FAM168A: variants seen among roughly 807,000 people sequenced by gnomAD.
FAM168A encodes the protein family with sequence similarity 168 member A, also known as protein FAM168A.
In FAM168A, 3 loss-of-function variants were observed where a neutral mutation model predicts 28.5. The observed-to-expected ratio is 0.11, with a 90% CI of 0.05 to 0.27. FAM168A has a LOEUF of 0.27. FAM168A is among the 10% of genes least tolerant of loss of function. The pLI, the probability that FAM168A is intolerant of heterozygous loss-of-function variation, is 1.00. For synonymous variants in FAM168A, 122 were observed against 124.2 expected, an observed-to-expected ratio of 0.98 and a Z score of 0.12; for missense variants, 222 against 311.5, an observed-to-expected ratio of 0.71 and a Z score of 2.16.
At chr11:73,513,152 T>A (rs555488465) in intron 1 of FAM168A, among the ~76,000 whole-genome samples, 4 of 152,050 alleles carry the variant, frequency 2.6e-5, no homozygotes, top group African/African-American at 9.6e-5. Flanking sequence ...CAATGTTCTA[T>A]GAACAGAAAT....
At chr11:73,526,626 T>C (rs1374624395) in intron 1 of FAM168A, among the ~76,000 whole-genome samples, 1 of 152,120 alleles carries the variant, frequency 6.6e-6, no homozygotes, top group Non-Finnish European at 1.5e-5. Context: ...TAGCTCAATA[T>C]AATCTTGCAG....
At chr11:73,528,591 C>T (rs915362400) in intron 1 of FAM168A, among the ~76,000 whole-genome samples, 4 of 152,060 alleles carry the variant, frequency 2.6e-5, no homozygotes, top group African/African-American at 7.3e-5. Flanking sequence ...GTCCTTTCAC[C>T]ACTTTACTTC....
At chr11:73,565,356 A>T (rs1264229804) in intron 1 of FAM168A, among the ~76,000 whole-genome samples, 2 of 152,216 alleles carry the variant, frequency 1.3e-5, no homozygotes, top group African/African-American at 4.8e-5. Context: ...TTGAGACCAC[A>T]TTATAAGTTA....
In FAM168A at chr11:73,405,811, A is replaced by T. The variant is rs956922938; in HGVS notation, c.*952T>A. On this transcript the variant is annotated 3_prime_UTR_variant, in exon 8 of 8. Transcript: ENST00000356467. ...AGGGAGAGAAATGCCCTAGGTTCCC[A>T]CTCCAATCAGGAGGAAGCTCCTCAT... The T allele has an allele frequency of 1.3e-5, 2 of 152,088 alleles. No individual in the cohort carries two copies. The highest frequency in any genetic ancestry group is 4.8e-5 in the African/African-American group (2 of 41,380). The allele number at this position is 152,088 out of a possible 1,614,324, so 9.4% of individuals were successfully genotyped here. A position where few individuals can be genotyped will look rare whatever the true frequency, so the allele number is the denominator to read the frequency against.
chr11:73,481,306 G>A (rs1442628067), intron 1 of FAM168A, among the ~76,000 whole-genome samples: 1 of 152,136 alleles, frequency 6.6e-6, no homozygotes, highest in Non-Finnish European at 1.5e-5. Context: ...CACTATAATT[G>A]TATCCCATCC....
chr11:73,478,822 G>A (rs1218021418), intron 1 of FAM168A, among the ~76,000 whole-genome samples: 3 of 152,050 alleles, frequency 2.0e-5, no homozygotes, highest in Non-Finnish European at 4.4e-5. Context: ...AACAGCCTTG[G>A]AATTAACAGC....
chr11:73,511,731 G>A (rs1015255389), intron 1 of FAM168A, among the ~76,000 whole-genome samples: 1 of 152,136 alleles, frequency 6.6e-6, no homozygotes. Context: ...TCTAGATGAT[G>A]TTGTGCAAGC....
At chr11:73,521,651 G>C (rs1453132529) in intron 1 of FAM168A, among the ~76,000 whole-genome samples, 1 of 152,074 alleles carries the variant, frequency 6.6e-6, no homozygotes, top group Admixed American at 6.6e-5. Context: ...GAAAACACAG[G>C]GAGCTTGCAG....
At chr11:73,530,836 T>C (rs1943506764) in intron 1 of FAM168A, among the ~76,000 whole-genome samples, 1 of 152,144 alleles carries the variant, frequency 6.6e-6, no homozygotes, top group African/African-American at 2.4e-5. Flanking sequence ...CCCCCATATT[T>C]TACAGATAAA....
chr11:73,510,530 T>G, intron 1 of FAM168A: 1 of 192,840 alleles, frequency 5.2e-6, no homozygotes, highest in Non-Finnish European at 1.1e-5. Context: ...AACCTAATAC[T>G]TTCACTTTAT....
chr11:73,475,122 C>A (rs944974422), intron 1 of FAM168A, among the ~76,000 whole-genome samples: 1 of 151,998 alleles, frequency 6.6e-6, no homozygotes, highest in Non-Finnish European at 1.5e-5. Context: ...TTCAAAATAA[C>A]GAAATATATG....
intron 1 of FAM168A, among the ~76,000 whole-genome samples, chr11:73,576,283 T>C (rs576929294): frequency 3.5e-4 from 53 of 152,284 alleles, no homozygotes; most frequent in Non-Finnish European, 6.5e-4. Context: ...AATCGAAGTG[T>C]AGAATAAAGG....
intron 3 of FAM168A, among the ~76,000 whole-genome samples, chr11:73,421,910 T>G (rs140263686): frequency 6.6e-6 from 1 of 152,312 alleles, no homozygotes; most frequent in East Asian, 1.9e-4. Context: ...GGTATATACT[T>G]TACCATAATT....
chr11:73,418,701 A>G (rs114869113), intron 4 of FAM168A, among the ~76,000 whole-genome samples: 104 of 152,358 alleles, frequency 6.8e-4, no homozygotes, highest in African/African-American at 2.5e-3. Context: ...TCACAACTTA[A>G]GAGAGAAGTT....
intron 1 of FAM168A, among the ~76,000 whole-genome samples, chr11:73,526,144 CAA>C (rs1051297751): frequency 6.6e-6 from 1 of 151,970 alleles, no homozygotes; most frequent in African/African-American, 2.4e-5. Context: ...TCTTAACATA[CAA>C]AGAGTCTCCA....
intron 1 of FAM168A, among the ~76,000 whole-genome samples, chr11:73,546,732 C>CA (rs145898219): frequency 0.12 from 9,498 of 76,978 alleles, 437 homozygotes; most frequent in Admixed American, 0.19. Flanking sequence ...AACTCCATCT[C>CA]AAAAAAAAAA....
chr11:73,506,456 T>C (rs1247438517), intron 1 of FAM168A, among the ~76,000 whole-genome samples: 1 of 152,174 alleles, frequency 6.6e-6, no homozygotes, highest in Non-Finnish European at 1.5e-5. Context: ...CAAAATACTT[T>C]CAACAATATT....
At chr11:73,460,210 C>G (rs1273082319) in intron 2 of FAM168A, among the ~76,000 whole-genome samples, 1 of 151,596 alleles carries the variant, frequency 6.6e-6, no homozygotes, top group Non-Finnish European at 1.5e-5. Flanking sequence ...ACCTACAAAG[C>G]AGAAAAAAAT....
intron 3 of FAM168A, among the ~76,000 whole-genome samples, chr11:73,425,211 CAG>C (rs1409248556): frequency 6.6e-6 from 1 of 152,178 alleles, no homozygotes; most frequent in Non-Finnish European, 1.5e-5. Context: ...GAGAGGGTGA[CAG>C]ACATGTCATC....
Sources: gnomAD v4.1 joint callset for allele counts (sites outside exome capture counted in the v4.1 genomes callset) on GRCh38, gnomAD v4.1.1 for gene constraint, MANE v1.5 for transcripts, NCBI Gene and HGNC (gene_info 2026-07-23, HGNC 2026-07-21) for gene names.